ANK2: variants seen among roughly 807,000 people sequenced by gnomAD.
ANK2 encodes ankyrin 2, also known as ankyrin-2.
A neutral mutation model predicts 360.5 loss-of-function variants in ANK2; 83 were observed. That is an observed-to-expected ratio of 0.23 (90% CI 0.19 to 0.28). The LOEUF (loss-of-function observed/expected upper bound fraction) is 0.28. Ranked by LOEUF, ANK2 falls within the 10% of genes least tolerant of loss-of-function variation. The pLI is 1.00. For synonymous variants in ANK2, 1,740 were observed against 1,759.5 expected, an observed-to-expected ratio of 0.99 and a Z score of 0.28; for missense variants, 4,201 against 4,795.7, an observed-to-expected ratio of 0.88 and a Z score of 3.66.
chr4:113,014,949 G>A (rs979875862), intron 2 of ANK2, among the ~76,000 whole-genome samples: 5 of 137,758 alleles, frequency 3.6e-5, no homozygotes, highest in African/African-American at 1.1e-4. Flanking sequence ...AGCTCCGCCC[G>A]CCGGGTTCAC....
In ANK2 at chr4:113,355,100, A is replaced by C. The variant is rs1588945979; in HGVS notation, c.6482A>C (p.Lys2161Thr). ...QQFRLSEETE[K>T]AQLHLDQVLT... ...TTCCGCCTGAGTGAGGAGACAGAAA[A>C]GGCACAGCTTCACTTAGACCAAGTA... Residue 2161 changes from lysine (K) to threonine (T), a missense_variant, in exon 38 of 46, where the codon AAG becomes ACG. This residue lies in a region of ANK2 where 2,642 missense variants were observed against 2,714.5 expected (regional missense o/e 0.97). Coordinates refer to ENST00000357077, the MANE Select transcript of ANK2 (RefSeq NM_001148.6). 2.5e-6 allele frequency: 4 copies of C among 1,614,006 alleles called. No individual in the cohort carries two copies. The East Asian group carries it at 8.9e-5, about 36-fold the overall frequency.
chr4:112,821,577 C>T (rs938314539), intron 1 of ANK2, among the ~76,000 whole-genome samples: 2 of 145,962 alleles, frequency 1.4e-5, no homozygotes, highest in African/African-American at 5.1e-5. Context: ...GATCACAGCT[C>T]ATGTAACCTT....
chr4:112,942,572 A>G (rs1223316397), intron 2 of ANK2, among the ~76,000 whole-genome samples: 3 of 152,008 alleles, frequency 2.0e-5, no homozygotes, highest in Admixed American at 2.0e-4. Flanking sequence ...AAATGAGGAT[A>G]AATGACCAAA....
intron 9 of ANK2, among the ~76,000 whole-genome samples, chr4:113,246,275 A>G (rs755604887): frequency 6.6e-6 from 1 of 152,218 alleles, no homozygotes; most frequent in Non-Finnish European, 1.5e-5. Context: ...TCTAGAGAAT[A>G]GCAAGATCTA....
At chr4:113,029,426 G>A (rs1337098759) in intron 2 of ANK2, among the ~76,000 whole-genome samples, 2 of 151,870 alleles carry the variant, frequency 1.3e-5, no homozygotes, top group African/African-American at 4.8e-5. Flanking sequence ...TTTATTTTTT[G>A]TAGAGATGGG....
chr4:113,257,947 C>A lies in ANK2; in HGVS notation c.1189-103C>A, dbSNP rs960454664. ...CCTGCAGGGATTGAAGAAATGGTAA[C>A]ATTATGTGACGATGTAACATTATTG... On this transcript the variant is annotated intron_variant, in intron 11 of 45. Transcript: ENST00000357077. 7.2e-6 allele frequency: 8 copies of A among 1,104,662 alleles called. No homozygotes were observed. The African/African-American group carries it at 9.3e-5, about 13-fold the overall frequency. 68.4% of individuals were successfully genotyped at this position (1,104,662 alleles called of 1,614,324 possible).
At chr4:113,341,539 C>A in intron 32 of ANK2, 149 bp from the exon 33 acceptor site, 1 of 744,512 alleles carries the variant, frequency 1.3e-6, no homozygotes, top group Non-Finnish European at 2.2e-6. Flanking sequence ...CTATTTCTTT[C>A]CTTTGGCCTT....
upstream of ANK2, among the ~76,000 whole-genome samples, chr4:112,817,704 C>T (rs191429524): frequency 7.3e-4 from 111 of 151,734 alleles, no homozygotes; most frequent in Non-Finnish European, 1.2e-3. Context: ...TACTGAAAGG[C>T]GGTGGGGTAT....
intron 1 of ANK2, among the ~76,000 whole-genome samples, chr4:113,128,188 A>T (rs1408374097): frequency 1.3e-5 from 2 of 152,192 alleles, no homozygotes; most frequent in Non-Finnish European, 2.9e-5. Flanking sequence ...AATGAAGTTT[A>T]GAGTTTGGAG....
chr4:113,053,698 A>G (rs2068207992), intron 1 of ANK2, among the ~76,000 whole-genome samples: 1 of 152,120 alleles, frequency 6.6e-6, no homozygotes, highest in Non-Finnish European at 1.5e-5. Flanking sequence ...GGCTCAAGCG[A>G]TCTTCCTGCC....
chr4:112,896,230 G>C (rs17045117), intron 1 of ANK2, among the ~76,000 whole-genome samples: 11,621 of 152,248 alleles, frequency 0.076, 923 homozygotes, highest in East Asian at 0.31. Flanking sequence ...AGCCATAGGA[G>C]GAAGGAGCTA....
Position 113,232,209 on chromosome 4 carries a change from G to T in ANK2, c.433G>T (p.Val145Phe). ...YMAAQENHIDVVKYLLENGAN... is the reference protein window; with the variant it reads ...YMAAQENHIDFVKYLLENGAN... ...GGCTGCCCAAGAGAATCACATTGAT[G>T]TTGTAAAATATTTGCTGGAAAATGG... is the stretch of plus-strand genomic sequence containing the variant. Residue 145 changes from valine to phenylalanine, a missense_variant, in exon 5 of 46, where the codon GTT (valine) becomes TTT (phenylalanine). By Grantham distance (50) the Val-to-Phe change is conservative. Coordinates refer to ENST00000357077, the MANE Select transcript of ANK2 (RefSeq NM_001148.6). 1 of 1,608,502 alleles carries T rather than the reference G, an allele frequency of 6.2e-7. No homozygotes were observed. The highest frequency in any genetic ancestry group is 8.5e-7 in the Non-Finnish European group (1 of 1,175,024).
At chr4:112,929,351 C>A (rs1279617929) in intron 2 of ANK2, among the ~76,000 whole-genome samples, 1 of 152,192 alleles carries the variant, frequency 6.6e-6, no homozygotes, top group African/African-American at 2.4e-5. Flanking sequence ...TGATTGACAT[C>A]TTATTAATTC....
chr4:113,352,028 A>G (rs1325255586), intron 37 of ANK2, among the ~76,000 whole-genome samples: 1 of 152,194 alleles, frequency 6.6e-6, no homozygotes, highest in Non-Finnish European at 1.5e-5. Flanking sequence ...TCAGCAGCTT[A>G]TGCATGGACT....
intron 4 of ANK2, chr4:113,214,056 T>G: frequency 1.4e-6 from 1 of 700,302 alleles, no homozygotes; most frequent in East Asian, 2.9e-5. Context: ...TTACATGGGC[T>G]TTGGTGGGGG....
chr4:112,881,613 A>G (rs1251623027), intron 1 of ANK2: 1 of 330,864 alleles, frequency 3.0e-6, no homozygotes, highest in African/African-American at 2.1e-5. Context: ...GCAATAAAAA[A>G]TGTACATTAA....
chr4:112,872,486 C>T (rs531698970), intron 1 of ANK2, among the ~76,000 whole-genome samples: 152 of 152,080 alleles, frequency 1.0e-3, no homozygotes, highest in African/African-American at 3.3e-3. Flanking sequence ...TACAGGCATG[C>T]GCCATCACGC....
At chr4:113,022,669 A>G (rs1271993609) in intron 2 of ANK2, among the ~76,000 whole-genome samples, 1 of 152,238 alleles carries the variant, frequency 6.6e-6, no homozygotes, top group East Asian at 1.9e-4. Context: ...TACCTTGAAG[A>G]ATTTAAGCCA....
rs762685310 is a variant in ANK2, at chr4:113,353,054, C to G, written c.4436C>G (p.Thr1479Arg). Reference sequence around the variant, plus strand: ...TTCATTCACATCAAAGATGATGAGACAGAATCTACAGAAACATCTGTCCTG... The same window carrying G: ...TTCATTCACATCAAAGATGATGAGAGAGAATCTACAGAAACATCTGTCCTG... ...IDMTSEKNDE[T>R]ESTETSVLKS... Residue 1479 changes from threonine to arginine, a missense_variant, in exon 38 of 46, where the codon ACA (threonine) becomes AGA (arginine). This residue lies in a region of ANK2 where 1,268 missense variants were observed against 1,650.8 expected (regional missense o/e 0.77). Transcript: ENST00000357077. The G allele has an allele frequency of 1.2e-6, 2 of 1,613,432 alleles. No individual in the cohort carries two copies. Among genetic ancestry groups the G allele is most frequent in the Non-Finnish European group, 1.7e-6 (2 of 1,179,602 alleles).
Sources: allele counts gnomAD v4.1 joint callset (sites outside exome capture counted in the v4.1 genomes callset), GRCh38; gene constraint gnomAD v4.1.1; regional missense constraint gnomAD v4.1.1; transcripts MANE v1.5; gene names NCBI Gene and HGNC (gene_info 2026-07-23, HGNC 2026-07-21).